TTC28: variants seen among roughly 807,000 people sequenced by gnomAD.
TTC28 encodes the protein tetratricopeptide repeat domain 28.
TTC28 carries 61 observed loss-of-function variants against 198.0 expected under a neutral mutation model. The observed-to-expected ratio is 0.31, with a 90% CI of 0.25 to 0.38. The LOEUF is 0.38. Among genes scored for constraint, TTC28 ranks in the 10% least tolerant of loss-of-function variants. The pLI is 1.00. For missense variants in TTC28, 2,678 were observed against 3,164.0 expected, an observed-to-expected ratio of 0.85 and a Z score of 3.69; for synonymous variants, 1,171 against 1,297.8, an observed-to-expected ratio of 0.90 and a Z score of 2.10.
chr22:28,545,570 CTG>C (rs895929112), intron 2 of TTC28, among the ~76,000 whole-genome samples: 26 of 152,140 alleles, frequency 1.7e-4, no homozygotes, highest in Non-Finnish European at 3.2e-4. Flanking sequence ...CAAAGGAAGA[CTG>C]TGTCTCTAAA....
Position 27,985,265 on chromosome 22 carries a change from G to A in TTC28, c.5799C>T (p.Ser1933=). 6.4e-7 allele frequency: 1 copy of A among 1,551,348 alleles called. No individual in the cohort carries two copies. The highest frequency in any genetic ancestry group is 1.2e-5 in the South Asian group (1 of 83,984). ...GGCTCTTACCAAACAGAGACAGCAG[G>A]GACTGGAGCGCGAAGTGCACAGTCC... ...NRRTVHFALQ[S]LLSLFDSTEL... The change falls in exon 22 of 23, where the codon TCC becomes TCT. Residue 1933 remains serine, a synonymous_variant. Coordinates refer to ENST00000397906, the MANE Select transcript of TTC28 (RefSeq NM_001145418.2).
intron 12 of TTC28, among the ~76,000 whole-genome samples, chr22:28,067,297 T>G: frequency 6.6e-6 from 1 of 152,350 alleles, no homozygotes; most frequent in South Asian, 2.1e-4. Context: ...AGGAAACATA[T>G]TGGCTTCATC....
In TTC28 at chr22:27,992,457, C is replaced by A. The variant is rs541672338; in HGVS notation, c.5553+130G>T. On this transcript the variant is annotated intron_variant, in intron 19 of 22. Coordinates refer to ENST00000397906, the MANE Select transcript of TTC28 (RefSeq NM_001145418.2). ...CTATTCTCTTACTCCCGGCCCTCACCTTCTCCTTTGAATCACAAAGGCGGT... is the reference window on the plus strand; with the variant it reads ...CTATTCTCTTACTCCCGGCCCTCACATTCTCCTTTGAATCACAAAGGCGGT... 37 of 963,718 alleles carry A rather than the reference C, an allele frequency of 3.8e-5. No individual in the cohort carries two copies. The African/African-American group carries it at 5.3e-4, about 14-fold the overall frequency. 59.7% of individuals were successfully genotyped at this position (963,718 alleles called of 1,614,324 possible). A position where few individuals can be genotyped will look rare whatever the true frequency, so the allele number is the denominator to read the frequency against.
intron 12 of TTC28, among the ~76,000 whole-genome samples, chr22:28,086,227 A>G (rs1941591676): frequency 6.6e-6 from 1 of 152,122 alleles, no homozygotes; most frequent in Non-Finnish European, 1.5e-5. Context: ...TCAGCACCAC[A>G]CCACACCTAT....
chr22:28,507,776 T>G (rs775931295), intron 2 of TTC28, among the ~76,000 whole-genome samples: 8 of 152,108 alleles, frequency 5.3e-5, no homozygotes, highest in Non-Finnish European at 7.4e-5. Context: ...AGAAAAGAAT[T>G]TCCAACCCAA....
chr22:28,086,919 G>C (rs1017830814), intron 12 of TTC28, among the ~76,000 whole-genome samples: 1 of 152,106 alleles, frequency 6.6e-6, no homozygotes, highest in African/African-American at 2.4e-5. Flanking sequence ...AGAAGAAATG[G>C]ATAAATTCCT....
At chr22:27,992,684 A>G in intron 18 of TTC28, 21 bp from the exon 19 acceptor site, 2 of 1,550,496 alleles carry the variant, frequency 1.3e-6, no homozygotes, top group Non-Finnish European at 1.7e-6. Flanking sequence ...AAAAAAGGGT[A>G]GAAGTTATTC....
At chr22:28,341,267 A>G (rs2045823921) in intron 2 of TTC28, among the ~76,000 whole-genome samples, 1 of 152,260 alleles carries the variant, frequency 6.6e-6, no homozygotes, top group Admixed American at 6.5e-5. Context: ...AGGCCATAAT[A>G]ACATGGGTAA....
chr22:28,305,723 G>A (rs1056068816), intron 3 of TTC28, among the ~76,000 whole-genome samples: 4 of 151,846 alleles, frequency 2.6e-5, no homozygotes. Context: ...AATCTGCCTC[G>A]GTGTCTCCAT....
At chr22:28,563,692 G>T (rs751793159) in intron 2 of TTC28, among the ~76,000 whole-genome samples, 2 of 152,118 alleles carry the variant, frequency 1.3e-5, no homozygotes, top group Non-Finnish European at 2.9e-5. Context: ...CTTGTAGATT[G>T]CTGGTGGGAT....
At chr22:28,591,921 G>A (rs954915959) in intron 2 of TTC28, among the ~76,000 whole-genome samples, 1 of 152,112 alleles carries the variant, frequency 6.6e-6, no homozygotes, top group Admixed American at 6.6e-5. Context: ...TAGCTGAAAA[G>A]TATTTGAAAA....
chr22:28,285,140 G>C (rs1327116447), intron 5 of TTC28, among the ~76,000 whole-genome samples: 1 of 152,132 alleles, frequency 6.6e-6, no homozygotes, highest in Non-Finnish European at 1.5e-5. Flanking sequence ...GTGTGTGTTT[G>C]TGTGTGTACA....
intron 5 of TTC28, among the ~76,000 whole-genome samples, chr22:28,288,850 T>C (rs1387829267): frequency 6.6e-6 from 1 of 151,152 alleles, no homozygotes; most frequent in Non-Finnish European, 1.5e-5. Flanking sequence ...TTAGGTCACA[T>C]GGTAATAAAT....
intron 1 of TTC28, among the ~76,000 whole-genome samples, chr22:28,648,890 C>G (rs1486904148): frequency 6.7e-6 from 1 of 150,272 alleles, no homozygotes; most frequent in Non-Finnish European, 1.5e-5. Flanking sequence ...GTCTGGGAAA[C>G]AGAGCGAAAC....
intron 2 of TTC28, among the ~76,000 whole-genome samples, chr22:28,332,054 C>T (rs2045624797): frequency 6.6e-6 from 1 of 152,082 alleles, no homozygotes; most frequent in Non-Finnish European, 1.5e-5. Flanking sequence ...GAGTCTTCTA[C>T]AGAGAAGTAG....
rs1220479401 is a variant in TTC28, at chr22:28,014,396, G to A, written c.4074-4C>T. Reference sequence around the variant, plus strand: ...GCTCGTCATGCTCTGGCAGCTCCTGGGGAGGGAAGGGCCGAGGGATCAATC... The same window carrying A: ...GCTCGTCATGCTCTGGCAGCTCCTGAGGAGGGAAGGGCCGAGGGATCAATC... On this transcript the variant is annotated splice_region_variant and splice_polypyrimidine_tract_variant and intron_variant, in intron 13 of 22. Coordinates refer to ENST00000397906, the MANE Select transcript of TTC28 (RefSeq NM_001145418.2). 1 of 1,548,166 alleles carries A rather than the reference G, an allele frequency of 6.5e-7. No homozygotes were observed. The highest frequency in any genetic ancestry group is 2.0e-5 in the Admixed American group (1 of 50,732).
At chr22:28,120,304 T>C (rs955496241) in intron 6 of TTC28, among the ~76,000 whole-genome samples, 1 of 152,196 alleles carries the variant, frequency 6.6e-6, no homozygotes, top group Non-Finnish European at 1.5e-5. Flanking sequence ...ATGTTTGCTA[T>C]ATTGTTGAGC....
intron 2 of TTC28, among the ~76,000 whole-genome samples, chr22:28,498,713 A>G (rs753914612): frequency 8.5e-5 from 13 of 152,196 alleles, no homozygotes; most frequent in Non-Finnish European, 1.6e-4. Flanking sequence ...TGGGGCCCAA[A>G]GAGCCCCCAG....
At chr22:28,121,647 T>C (rs1317403402) in intron 6 of TTC28, among the ~76,000 whole-genome samples, 1 of 152,228 alleles carries the variant, frequency 6.6e-6, no homozygotes, top group East Asian at 1.9e-4. Flanking sequence ...AAATACTAAA[T>C]TAAAAAATGC....
Sources: gnomAD v4.1 joint callset for allele counts (sites outside exome capture counted in the v4.1 genomes callset) on GRCh38, gnomAD v4.1.1 for gene constraint, MANE v1.5 for transcripts, NCBI Gene and HGNC (gene_info 2026-07-23, HGNC 2026-07-21) for gene names.